Variants in RIC1 observed in about 807,000 individuals in gnomAD.
The protein encoded by RIC1 is RIC1 partner of RAB6A GEF complex, also known as guanine nucleotide exchange factor subunit RIC1.
A neutral mutation model predicts 169.0 loss-of-function variants in RIC1; 88 were observed. The ratio of observed to expected loss-of-function variants is 0.52; its 90% CI spans 0.44 to 0.62. The LOEUF is 0.62. RIC1 is among the 20% of genes least tolerant of loss of function. RIC1 has a pLI of 0.00. For missense variants in RIC1, 1,877 were observed against 1,725.5 expected (o/e 1.09, Z -1.56); for synonymous variants, 790 against 601.5 (o/e 1.31, Z -4.59).
In RIC1 at chr9:5,629,326, G is replaced by A; in HGVS notation, c.17G>A (p.Gly6Asp). 6.6e-7 allele frequency: 1 copy of A among 1,524,458 alleles called. No individual in the cohort carries two copies. The allele number at this position is 1,524,458 out of a possible 1,614,324, so 94.4% of individuals were successfully genotyped here. A position where few individuals can be genotyped will look rare whatever the true frequency, so the allele number is the denominator to read the frequency against. ...GCACGGACCATGTATTTTCTGAGCGGCTGGCCCAAGAGGCTGCTGTGCCCT... is the reference window on the plus strand; with the variant it reads ...GCACGGACCATGTATTTTCTGAGCGACTGGCCCAAGAGGCTGCTGTGCCCT... Reference protein sequence around the residue: MYFLSGWPKRLLCPLG... With the variant: MYFLSDWPKRLLCPLG... The change falls in exon 1 of 26, where the codon GGC becomes GAC. Residue 6 changes from glycine to aspartate, a missense_variant. Physicochemically the swap from Gly to Asp is moderately conservative, Grantham distance 94. This residue lies in a region of RIC1 where 1,104 missense variants were observed against 992.0 expected (regional missense o/e 1.11). Coordinates refer to ENST00000414202, the MANE Select transcript of RIC1 (RefSeq NM_020829.4).
chr9:5,679,005 T>C (rs1373934897), intron 2 of RIC1, among the ~76,000 whole-genome samples: 1 of 152,162 alleles, frequency 6.6e-6, no homozygotes, highest in East Asian at 1.9e-4. Context: ...TTAATCCATC[T>C]TGAATTAATT....
chr9:5,730,421 C>G (rs139424348), intron 6 of RIC1, among the ~76,000 whole-genome samples: 8 of 152,266 alleles, frequency 5.3e-5, no homozygotes, highest in Non-Finnish European at 1.2e-4. Flanking sequence ...ACAGATAGAT[C>G]TTACAGACAT....
chr9:5,753,025 G>A (rs549896650), intron 12 of RIC1, among the ~76,000 whole-genome samples, 175 bp from the exon 13 acceptor site: 40 of 152,288 alleles, frequency 2.6e-4, no homozygotes, highest in African/African-American at 6.7e-4. Flanking sequence ...ATGAAATAAC[G>A]TAAGATGTAA....
At chr9:5,649,743 T>G (rs1440306784) in intron 1 of RIC1, among the ~76,000 whole-genome samples, 1 of 152,042 alleles carries the variant, frequency 6.6e-6, no homozygotes, top group African/African-American at 2.4e-5. Context: ...TTTCTTGTTT[T>G]TTTTTTTTCA....
intron 8 of RIC1, 35 bp downstream of exon 8, chr9:5,738,573 T>A: frequency 7.9e-7 from 1 of 1,261,044 alleles, no homozygotes; most frequent in Non-Finnish European, 1.1e-6. Flanking sequence ...TTTTAACATT[T>A]TTAATGTACT....
chr9:5,773,041 C>T lies in RIC1; in HGVS notation c.3944C>T (p.Thr1315Ile). The T allele has an allele frequency of 6.2e-7, 1 of 1,613,492 alleles. No homozygotes were observed. The change falls in exon 25 of 26, where the codon ACA becomes ATA. Residue 1315 changes from threonine to isoleucine, a missense_variant. By Grantham distance (89) the Thr-to-Ile change is moderately conservative (BLOSUM62 -1). Transcript: ENST00000414202. Reference protein sequence around the residue: ...VDGEMLQNIKTGLHAVDRWAS... With the variant: ...VDGEMLQNIKIGLHAVDRWAS... ...GGAGAGATGTTACAGAACATAAAGA[C>T]AGGGCTCCATGCAGTGGACCGATGG...
intron 1 of RIC1, among the ~76,000 whole-genome samples, chr9:5,645,377 T>C (rs1818454049): frequency 6.6e-6 from 1 of 152,224 alleles, no homozygotes; most frequent in Admixed American, 6.5e-5. Context: ...TATTATTCAG[T>C]TGTAAGAGTT....
chr9:5,707,193 T>A (rs528432199), intron 3 of RIC1, among the ~76,000 whole-genome samples: 2 of 152,192 alleles, frequency 1.3e-5, no homozygotes, highest in Admixed American at 6.5e-5. Context: ...TTGAATTTTC[T>A]AGTTTTTCTT....
intron 3 of RIC1, among the ~76,000 whole-genome samples, chr9:5,709,150 A>C (rs1052628673): frequency 6.6e-5 from 10 of 152,046 alleles, no homozygotes; most frequent in African/African-American, 9.6e-5. Context: ...AAATGACACA[A>C]ATCACTTCCC....
intron 2 of RIC1, among the ~76,000 whole-genome samples, chr9:5,669,892 AG>A (rs1206840951): frequency 2.6e-5 from 4 of 152,194 alleles, no homozygotes; most frequent in Non-Finnish European, 4.4e-5. Context: ...GACATCACTT[AG>A]GGGAGATTGG....
chr9:5,703,809 C>T (rs898698135), intron 3 of RIC1, among the ~76,000 whole-genome samples: 1 of 152,164 alleles, frequency 6.6e-6, no homozygotes, highest in East Asian at 1.9e-4. Context: ...CACTTTTTGG[C>T]TATTGGAACA....
At chr9:5,674,618 C>T (rs1392980025) in intron 2 of RIC1, among the ~76,000 whole-genome samples, 2 of 152,154 alleles carry the variant, frequency 1.3e-5, no homozygotes, top group Non-Finnish European at 2.9e-5. Flanking sequence ...GTTAGGTTAC[C>T]TACTCCACAA....
intron 6 of RIC1, among the ~76,000 whole-genome samples, chr9:5,728,578 A>T (rs1824153509): frequency 6.6e-6 from 1 of 152,272 alleles, no homozygotes; most frequent in Non-Finnish European, 1.5e-5. Context: ...TGAACCTGGT[A>T]CTTCAGTTGG....
chr9:5,681,902 C>G (rs7041581), intron 2 of RIC1, among the ~76,000 whole-genome samples: 73,053 of 151,912 alleles, frequency 0.48, 18,177 homozygotes, highest in East Asian at 0.61. Flanking sequence ...GATCCCTTTA[C>G]CATTATGTAA....
intron 3 of RIC1, 39 bp downstream of exon 3, chr9:5,690,077 G>T: frequency 7.6e-7 from 1 of 1,323,812 alleles, no homozygotes; most frequent in Non-Finnish European, 1.1e-6. Flanking sequence ...TATGTGATTT[G>T]CATACTTTAT....
intron 3 of RIC1, among the ~76,000 whole-genome samples, chr9:5,698,121 G>A (rs925216981): frequency 6.6e-6 from 1 of 152,146 alleles, no homozygotes; most frequent in African/African-American, 2.4e-5. Flanking sequence ...CTTTTCTTTA[G>A]CTGGCACTTA....
chr9:5,688,526 C>G (rs948564323), intron 2 of RIC1, among the ~76,000 whole-genome samples: 4 of 152,126 alleles, frequency 2.6e-5, no homozygotes, highest in Non-Finnish European at 4.4e-5. Flanking sequence ...TGCTTCCATA[C>G]TCTCCATATT....
intron 3 of RIC1, among the ~76,000 whole-genome samples, chr9:5,709,908 TAATA>T (rs1336787323): frequency 1.3e-5 from 2 of 152,192 alleles, no homozygotes; most frequent in East Asian, 3.9e-4. Flanking sequence ...ACTTTAGTTG[TAATA>T]AATGAGAATA....
At chr9:5,768,197 T>A (rs1826933054) in intron 21 of RIC1, among the ~76,000 whole-genome samples, 1 of 152,198 alleles carries the variant, frequency 6.6e-6, no homozygotes, top group African/African-American at 2.4e-5. Context: ...AAGTCAGGAA[T>A]GAGAGACTAT....
Sources: gnomAD v4.1 joint callset for allele counts (sites outside exome capture counted in the v4.1 genomes callset) on GRCh38, gnomAD v4.1.1 for gene constraint, gnomAD v4.1.1 regional missense constraint, MANE v1.5 for transcripts, NCBI Gene and HGNC (gene_info 2026-07-23, HGNC 2026-07-21) for gene names.